WIPF3: variants seen among roughly 807,000 people sequenced by gnomAD.
The protein encoded by WIPF3 is WAS/WASL interacting protein family member 3, also known as WAS/WASL-interacting protein family member 3.
WIPF3 carries 33 observed loss-of-function variants against 38.9 expected under a neutral mutation model. That is an observed-to-expected ratio of 0.85 (90% CI 0.64 to 1.14). The LOEUF is 1.14. Ranked by LOEUF, WIPF3 falls within the 50% of genes most tolerant of loss-of-function variation. The pLI is 0.00. For missense variants in WIPF3, 711 were observed against 652.5 expected, an observed-to-expected ratio of 1.09 and a Z score of -0.98; for synonymous variants, 324 against 269.3, an observed-to-expected ratio of 1.20 and a Z score of -1.99.
chr7:29,826,611 G>A (rs1209359637), intron 1 of WIPF3, among the ~76,000 whole-genome samples: 4 of 152,036 alleles, frequency 2.6e-5, no homozygotes, highest in African/African-American at 9.7e-5. Context: ...GAGATCCTGT[G>A]TTTATTCTTA....
At chr7:29,845,853 G>A (rs1784991456) in intron 2 of WIPF3, among the ~76,000 whole-genome samples, 1 of 152,230 alleles carries the variant, frequency 6.6e-6, no homozygotes, top group African/African-American at 2.4e-5. Context: ...GATCTAGTGA[G>A]TTTAGTGCAG....
rs559169051 is a variant in WIPF3 at position 29,876,544 on chromosome 7, G to C, written c.223+582G>C. 5.3e-5 allele frequency among the ~76,000 whole-genome samples: 8 copies of C among 152,286 alleles called. No homozygotes were observed. The South Asian group carries it at 1.5e-3, about 28-fold the overall frequency. On this transcript the variant is annotated intron_variant, in intron 3 of 8. Coordinates refer to ENST00000242140, the MANE Select transcript of WIPF3 (RefSeq NM_001080529.3). ...ATGTTTTCAAGCTTCATAGATGTTG[G>C]AGCATGTATCAGTACTTCACTCCTT...
At chr7:29,866,114 G>A (rs1014111573) in intron 2 of WIPF3, among the ~76,000 whole-genome samples, 19 of 152,036 alleles carry the variant, frequency 1.2e-4, no homozygotes, top group African/African-American at 2.9e-4. Flanking sequence ...AACCAAAGTC[G>A]CGCCACTGCA....
chr7:29,896,321 G>GA (rs1463221212), intron 7 of WIPF3, among the ~76,000 whole-genome samples: 1 of 148,998 alleles, frequency 6.7e-6, no homozygotes, highest in Non-Finnish European at 1.5e-5. Flanking sequence ...TCCTCTCTCT[G>GA]AAAAAATTTT....
chr7:29,829,218 T>C (rs1221823398), intron 1 of WIPF3, among the ~76,000 whole-genome samples: 11 of 147,776 alleles, frequency 7.4e-5, no homozygotes, highest in Non-Finnish European at 3.0e-5. Flanking sequence ...CTTTTTTTTT[T>C]TTTTTTTTTT....
Position 29,879,131 on chromosome 7 carries a change from G to A in WIPF3, c.346G>A (p.Asp116Asn). The A allele has an allele frequency of 1.2e-6, 2 of 1,611,008 alleles. No homozygotes were observed. The highest frequency in any genetic ancestry group is 2.7e-5 in the African/African-American group (2 of 75,020). ...FPVLRPAGQR[D>N]VAGGKTGQGP... is the part of the protein sequence containing the mutation. Reference sequence around the variant, plus strand: ...TGTATTGCGACCAGCAGGCCAGCGGGATGTAGCAGGTAAGGAAGAATTCAT... The same window carrying A: ...TGTATTGCGACCAGCAGGCCAGCGGAATGTAGCAGGTAAGGAAGAATTCAT... The change falls in exon 4 of 9, where the codon GAT (aspartate) becomes AAT (asparagine). Residue 116 changes from aspartate (D) to asparagine (N), a missense_variant. Coordinates refer to ENST00000242140, the MANE Select transcript of WIPF3 (RefSeq NM_001080529.3).
Position 29,916,047 on chromosome 7 carries a change from T to G in WIPF3, c.*1531T>G, listed in dbSNP as rs1786608809. 1 of 152,258 alleles carries G rather than the reference T, an allele frequency of 6.6e-6. No homozygotes were observed. The highest frequency in any genetic ancestry group is 2.1e-4 in the South Asian group (1 of 4,834). 9.4% of individuals were successfully genotyped at this position (152,258 alleles called of 1,614,324 possible). On this transcript the variant is annotated 3_prime_UTR_variant, in exon 9 of 9. Transcript: ENST00000242140. ...TGGAGTAACGACTCAGGTGGTGTCC[T>G]GCAGCAGTGCTGTGCTTTCTCATTC... is the stretch of plus-strand genomic sequence containing the variant.
chr7:29,807,974 A>G (rs1784310387), intron 1 of WIPF3, among the ~76,000 whole-genome samples: 1 of 152,002 alleles, frequency 6.6e-6, no homozygotes, highest in Non-Finnish European at 1.5e-5. Context: ...TTTTAACTTT[A>G]TCATTACGAA....
chr7:29,875,114 T>A (rs1317532159), intron 2 of WIPF3, among the ~76,000 whole-genome samples: 1 of 152,112 alleles, frequency 6.6e-6, no homozygotes, highest in Non-Finnish European at 1.5e-5. Context: ...TCACCAGACA[T>A]TCATTGTAAT....
chr7:29,869,561 G>A (rs1763719078), intron 2 of WIPF3, among the ~76,000 whole-genome samples: 2 of 152,106 alleles, frequency 1.3e-5, no homozygotes, highest in Non-Finnish European at 2.9e-5. Flanking sequence ...TATGTTTAAT[G>A]TCCTTTTGAA....
At chr7:29,854,938 G>T (rs117342446) in intron 2 of WIPF3, among the ~76,000 whole-genome samples, 2,481 of 152,294 alleles carry the variant, frequency 0.016, 21 homozygotes, top group Middle Eastern at 0.044. Context: ...CCAACACCTT[G>T]GTCTTGACCT....
chr7:29,837,983 A>G (rs1174222398), intron 2 of WIPF3, among the ~76,000 whole-genome samples: 1 of 152,238 alleles, frequency 6.6e-6, no homozygotes, highest in Non-Finnish European at 1.5e-5. Context: ...CAGTGGCACT[A>G]TCTCGGCTCA....
intron 2 of WIPF3, among the ~76,000 whole-genome samples, chr7:29,842,819 C>T (rs1399353603): frequency 6.6e-6 from 1 of 152,038 alleles, no homozygotes; most frequent in Non-Finnish European, 1.5e-5. Context: ...GCATATTGCA[C>T]CATATTCTGG....
intron 2 of WIPF3, among the ~76,000 whole-genome samples, chr7:29,862,106 A>G (rs987129798): frequency 1.3e-5 from 2 of 152,128 alleles, no homozygotes; most frequent in African/African-American, 4.8e-5. Context: ...CTGGCACTCC[A>G]TGGTGTCCAC....
At chr7:29,829,795 C>T (rs1167368403) in intron 1 of WIPF3, among the ~76,000 whole-genome samples, 3 of 152,122 alleles carry the variant, frequency 2.0e-5, no homozygotes, top group Non-Finnish European at 4.4e-5. Flanking sequence ...TCGGGCCTCG[C>T]GTGGAAGTGA....
chr7:29,814,156 C>A (rs373758327), intron 1 of WIPF3, among the ~76,000 whole-genome samples: 1 of 152,084 alleles, frequency 6.6e-6, no homozygotes, highest in South Asian at 2.1e-4. Flanking sequence ...CCTAGGCAAG[C>A]GATCTGTCTG....
chr7:29,875,755 GA>G (rs1785578845), intron 2 of WIPF3, 74 bp from the exon 3 acceptor site: 1 of 1,567,388 alleles, frequency 6.4e-7, no homozygotes, highest in African/African-American at 1.3e-5. Context: ...TGCAAGAGGA[GA>G]AACTGACAGC....
At chr7:29,890,553 AG>A (rs1479063814) in intron 7 of WIPF3, among the ~76,000 whole-genome samples, 3 of 152,222 alleles carry the variant, frequency 2.0e-5, no homozygotes, top group African/African-American at 7.2e-5. Flanking sequence ...ATCAGTGTCC[AG>A]GGTTAGCCTA....
At chr7:29,836,913 C>T (rs1265299519) in intron 2 of WIPF3, among the ~76,000 whole-genome samples, 1 of 152,084 alleles carries the variant, frequency 6.6e-6, no homozygotes, top group Admixed American at 6.6e-5. Context: ...ATTACTTGAA[C>T]CCAGGAGGCG....
Sources: allele counts gnomAD v4.1 joint callset (sites outside exome capture counted in the v4.1 genomes callset), GRCh38; gene constraint gnomAD v4.1.1; transcripts MANE v1.5; gene names NCBI Gene and HGNC (gene_info 2026-07-23, HGNC 2026-07-21).